Variants in IGFBP1 observed in about 807,000 individuals in gnomAD.
The protein encoded by IGFBP1 is insulin-like growth factor-binding protein 1.
Under a neutral mutation model 23.1 loss-of-function variants are expected in IGFBP1, and 31 were observed. The observed-to-expected ratio is 1.34, with a 90% CI of 1.01 to 1.81. The LOEUF (loss-of-function observed/expected upper bound fraction) is 1.81. Ranked by LOEUF, IGFBP1 falls within the 40% of genes most tolerant of loss-of-function variation. IGFBP1 has a pLI of 0.00. For synonymous variants in IGFBP1, 148 were observed against 145.5 expected (o/e 1.02, Z -0.13); for missense variants, 333 against 342.2 (o/e 0.97, Z 0.21).
rs370226543 is a variant in IGFBP1 at position 45,888,818 on chromosome 7, G to A, written c.166G>A (p.Gly56Ser). 124 of 1,556,038 alleles carry A rather than the reference G, an allele frequency of 8.0e-5. No individual in the cohort carries two copies. The highest frequency in any genetic ancestry group is 1.0e-4 in the Non-Finnish European group (120 of 1,159,398). The change falls in exon 1 of 4, where the codon GGC becomes AGC. Residue 56 changes from glycine to serine, a missense_variant. By Grantham distance (56) the Gly-to-Ser change is moderately conservative. Coordinates refer to ENST00000275525, the MANE Select transcript of IGFBP1 (RefSeq NM_000596.4). ...ASCSEVTRSA[G>S]CGCCPMCALP... ...GTGCTCGGAGGTCACCCGGTCCGCCGGCTGCGGCTGTTGCCCGATGTGCGC... is the reference window on the plus strand; with the variant it reads ...GTGCTCGGAGGTCACCCGGTCCGCCAGCTGCGGCTGTTGCCCGATGTGCGC...
rs1787036835 is a variant in IGFBP1, at chr7:45,889,144, A to G, written c.349+143A>G. 3 of 639,870 alleles carry G rather than the reference A, an allele frequency of 4.7e-6. No homozygotes were observed. The South Asian group carries it at 6.7e-5, about 14-fold the overall frequency. The allele number at this position is 639,870 out of a possible 1,614,324, so 39.6% of individuals were successfully genotyped here. On this transcript the variant is annotated intron_variant, in intron 1 of 3. Coordinates refer to ENST00000275525, the MANE Select transcript of IGFBP1 (RefSeq NM_000596.4). ...ACTAGAGCTTGAAACCAGAGCACGT[A>G]GTTGGGGAAGGAGCTTGGGTCACCC...
rs1787087058 is a variant in IGFBP1 at position 45,891,973 on chromosome 7, A to G, written c.561A>G (p.Leu187=). ...AACTCTACAGAGTCGTAGAGAGTTTAGCCAAGGCACAGGAGACATCAGGAG... is the reference window on the plus strand; with the variant it reads ...AACTCTACAGAGTCGTAGAGAGTTTGGCCAAGGCACAGGAGACATCAGGAG... The part of the protein sequence containing the change: ...RIELYRVVES[L]AKAQETSGEE... Residue 187 remains leucine (L), a synonymous_variant, in exon 3 of 4, where the codon TTA becomes TTG. Coordinates refer to ENST00000275525, the MANE Select transcript of IGFBP1 (RefSeq NM_000596.4). 6.2e-7 allele frequency: 1 copy of G among 1,613,926 alleles called. No homozygotes were observed. The highest frequency in any genetic ancestry group is 1.3e-5 in the African/African-American group (1 of 74,954).
chr7:45,888,901 T>A lies in IGFBP1; in HGVS notation c.249T>A (p.Ser83Arg), dbSNP rs748293019. The change falls in exon 1 of 4, where the codon AGT (serine) becomes AGA (arginine). Residue 83 changes from serine to arginine, a missense_variant. Ser to Arg is a moderately radical substitution (Grantham distance 110). Transcript: ENST00000275525. Reference sequence around the variant, plus strand: ...CTGCACGCTGCGCCCGGGGACTCAGTTGCCGCGCGCTGCCGGGGGAGCAGC... The same window carrying A: ...CTGCACGCTGCGCCCGGGGACTCAGATGCCGCGCGCTGCCGGGGGAGCAGC... ...VATARCARGL[S>R]CRALPGEQQP... The A allele has an allele frequency of 3.3e-6, 5 of 1,500,874 alleles. No individual in the cohort carries two copies. In the South Asian group the frequency reaches 6.3e-5, roughly 19 times the overall value. The allele number at this position is 1,500,874 out of a possible 1,614,324, so 93.0% of individuals were successfully genotyped here.
In IGFBP1 at chr7:45,888,638, T is replaced by G. The variant is rs765555012; in HGVS notation, c.-15T>G. 93 of 1,590,792 alleles carry G rather than the reference T, an allele frequency of 5.8e-5. No homozygotes were observed. The highest frequency in any genetic ancestry group is 1.0e-5 in the Non-Finnish European group (12 of 1,176,230). On this transcript the variant is annotated 5_prime_UTR_variant, in exon 1 of 4. Transcript: ENST00000275525. ...CCAGAGAGCATCGGCCCCTGTCTGC[T>G]GCTCGCGCCTGGAGATGTCAGAGGT... is the stretch of plus-strand genomic sequence containing the variant.
Position 45,891,962 on chromosome 7 carries a change from G to A in IGFBP1, c.550G>A (p.Val184Ile), listed in dbSNP as rs146202574. The A allele has an allele frequency of 1.1e-4, 172 of 1,613,858 alleles. No individual in the cohort carries two copies. The highest frequency in any genetic ancestry group is 1.0e-3 in the African/African-American group (76 of 75,028). ...EPCRIELYRV[V>I]ESLAKAQETS... ...CTGCCGAATAGAACTCTACAGAGTC[G>A]TAGAGAGTTTAGCCAAGGCACAGGA... Residue 184 changes from valine (V) to isoleucine (I), a missense_variant, in exon 3 of 4, where the codon GTA (valine) becomes ATA (isoleucine). Transcript: ENST00000275525.
chr7:45,890,317 G>T (rs1270311353), intron 1 of IGFBP1, among the ~76,000 whole-genome samples: 1 of 152,194 alleles, frequency 6.6e-6, no homozygotes, highest in African/African-American at 2.4e-5. Context: ...CCCTTGCCAG[G>T]CCCTGAAACT....
chr7:45,892,145 A>G, intron 3 of IGFBP1, 85 bp downstream of exon 3: 1 of 1,464,964 alleles, frequency 6.8e-7, no homozygotes, highest in Non-Finnish European at 9.4e-7. Context: ...TTCATGTCAA[A>G]GAAGGTCCAC....
chr7:45,889,019 C>T lies in IGFBP1; in HGVS notation c.349+18C>T. 1 of 1,491,826 alleles carries T rather than the reference C, an allele frequency of 6.7e-7. No individual in the cohort carries two copies. The highest frequency in any genetic ancestry group is 1.3e-5 in the South Asian group (1 of 79,580). The allele number at this position is 1,491,826 out of a possible 1,614,324, so 92.4% of individuals were successfully genotyped here. ...TGCTGCAGGTACCACAGTCCCGCCC[C>T]TGCTCCAGCACCTCCTGCCGCCCGC... On this transcript the variant is annotated intron_variant, in intron 1 of 3. Coordinates refer to ENST00000275525, the MANE Select transcript of IGFBP1 (RefSeq NM_000596.4).
At position 45,888,714 on chromosome 7, in the gene IGFBP1, G is replaced by A. The variant is rs1787019471; in HGVS notation, c.62G>A (p.Gly21Asp). ...CTGCTCCTGCTGACTGTCCAGGTCG[G>A]CGTGACAGCCGGCGCTCCGTGGCAG... ...LVLLLLTVQVGVTAGAPWQCA... is the reference protein window; with the variant it reads ...LVLLLLTVQVDVTAGAPWQCA... The change falls in exon 1 of 4, where the codon GGC becomes GAC. Residue 21 changes from glycine to aspartate, a missense_variant. By Grantham distance (94) the Gly-to-Asp change is moderately conservative. Coordinates refer to ENST00000275525, the MANE Select transcript of IGFBP1 (RefSeq NM_000596.4). 1.3e-6 allele frequency: 2 copies of A among 1,596,946 alleles called. No individual in the cohort carries two copies. The highest frequency in any genetic ancestry group is 1.7e-6 in the Non-Finnish European group (2 of 1,179,192).
Position 45,889,001 on chromosome 7 carries a change from G to T in IGFBP1, c.349G>T (p.Glu117Ter). The T allele has an allele frequency of 6.6e-7, 1 of 1,512,204 alleles. No individual in the cohort carries two copies. 93.7% of individuals were successfully genotyped at this position (1,512,204 alleles called of 1,614,324 possible). Residue 117 changes from glutamate to a stop codon, truncating the protein, a stop_gained and splice_region_variant, in exon 1 of 4, where the codon GAG becomes TAG. Coordinates refer to ENST00000275525, the MANE Select transcript of IGFBP1 (RefSeq NM_000596.4). LOFTEE classifies it high-confidence loss of function. The part of the protein sequence containing the change: ...ESDASAPHAA[E>*]AGSPESPEST... Reference sequence around the variant, plus strand: ...TGACGCCTCCGCTCCCCATGCTGCAGGTACCACAGTCCCGCCCCTGCTCCA... The same window carrying T: ...TGACGCCTCCGCTCCCCATGCTGCATGTACCACAGTCCCGCCCCTGCTCCA...
At chr7:45,889,094 G>A in intron 1 of IGFBP1, 93 bp downstream of exon 1, 2 of 948,126 alleles carry the variant, frequency 2.1e-6, no homozygotes, top group Non-Finnish European at 1.5e-6. Flanking sequence ...GGGTGGGGCT[G>A]CAGCCGGGCA....
At chr7:45,889,046 C>T (rs1477975646) in intron 1 of IGFBP1, 45 bp downstream of exon 1, 10 of 1,404,138 alleles carry the variant, frequency 7.1e-6, no homozygotes, top group Middle Eastern at 2.5e-4. Flanking sequence ...GCCGCCCGCC[C>T]CCGCCCGGCA....
In IGFBP1 at chr7:45,893,069, T is replaced by C. The variant is rs1331292020; in HGVS notation, c.758T>C (p.Ile253Thr). 3 of 1,611,882 alleles carry C rather than the reference T, an allele frequency of 1.9e-6. No homozygotes were observed. The highest frequency in any genetic ancestry group is 2.5e-6 in the Non-Finnish European group (3 of 1,178,056). The change falls in exon 4 of 4, where the codon ATA (isoleucine) becomes ACA (threonine). Residue 253 changes from isoleucine to threonine, a missense_variant. Transcript: ENST00000275525. Reference sequence around the variant, plus strand: ...ATCAGGGGAGACCCCAACTGCCAGATATATTTTAATGTACAAAACTGAAAC... The same window carrying C: ...ATCAGGGGAGACCCCAACTGCCAGACATATTTTAATGTACAAAACTGAAAC... ...PEIRGDPNCQ[I>T]YFNVQN is the part of the protein sequence containing the mutation.
intron 2 of IGFBP1, among the ~76,000 whole-genome samples, chr7:45,891,063 C>G (rs1787071887): frequency 6.6e-6 from 1 of 152,166 alleles, no homozygotes; most frequent in African/African-American, 2.4e-5. Context: ...TGATTTGCCT[C>G]CCTTTAAAAA....
Position 45,890,602 on chromosome 7 carries a change from TG to T in IGFBP1, c.406del (p.Asp136IlefsTer5). The T allele has an allele frequency of 6.2e-7, 1 of 1,613,892 alleles. No homozygotes were observed. Among genetic ancestry groups the T allele is most frequent in the South Asian group, 1.1e-5 (1 of 91,062 alleles). On this transcript the variant is annotated frameshift_variant, in exon 2 of 4. Coordinates refer to ENST00000275525, the MANE Select transcript of IGFBP1 (RefSeq NM_000596.4). LOFTEE classifies it high-confidence loss of function. ...ESTEITEEEL[L>X]DNFHLMAPSE... is the part of the protein sequence containing the mutation. Reference sequence around the variant, plus strand: ...ACGGAGATAACTGAGGAGGAGCTCCTGGATAATTTCCATCTGATGGCCCCTT... The same window carrying T: ...ACGGAGATAACTGAGGAGGAGCTCCTGATAATTTCCATCTGATGGCCCCTT...
intron 2 of IGFBP1, among the ~76,000 whole-genome samples, chr7:45,891,591 G>A (rs9658214): frequency 6.6e-6 from 1 of 152,186 alleles, no homozygotes; most frequent in African/African-American, 2.4e-5. Context: ...ACCAGATGGC[G>A]GGTGCCAAAA....
At chr7:45,890,153 A>G (rs1361719190) in intron 1 of IGFBP1, among the ~76,000 whole-genome samples, 1 of 152,202 alleles carries the variant, frequency 6.6e-6, no homozygotes, top group Non-Finnish European at 1.5e-5. Context: ...TAAAATCCCC[A>G]TTTTAAGGAT....
chr7:45,891,791 C>A, intron 2 of IGFBP1, 141 bp from the exon 3 acceptor site: 1 of 705,540 alleles, frequency 1.4e-6, no homozygotes, highest in Non-Finnish European at 2.3e-6. Context: ...GGGAGCACAT[C>A]ACATGACACC....
At position 45,889,148 on chromosome 7, in the gene IGFBP1, G is replaced by GCC. The variant is rs1787037016; in HGVS notation, c.349+147_349+148insCC. The GCC allele has an allele frequency of 1.3e-5, 8 of 633,720 alleles. No homozygotes were observed. In the South Asian group the frequency reaches 1.6e-4, roughly 12 times the overall value. 39.3% of individuals were successfully genotyped at this position (633,720 alleles called of 1,614,324 possible). A position where few individuals can be genotyped will look rare whatever the true frequency, so the allele number is the denominator to read the frequency against. On this transcript the variant is annotated intron_variant, in intron 1 of 3. Coordinates refer to ENST00000275525, the MANE Select transcript of IGFBP1 (RefSeq NM_000596.4). ...GAGCTTGAAACCAGAGCACGTAGTT[G>GCC]GGGAAGGAGCTTGGGTCACCCAGTG... is the stretch of plus-strand genomic sequence containing the variant.
Sources: gnomAD v4.1 joint callset for allele counts (sites outside exome capture counted in the v4.1 genomes callset) on GRCh38, gnomAD v4.1.1 for gene constraint, MANE v1.5 for transcripts, NCBI Gene and HGNC (gene_info 2026-07-23, HGNC 2026-07-21) for gene names.